Variants in CPNE4 observed in about 807,000 individuals in gnomAD.
CPNE4 encodes copine 4.
A neutral mutation model predicts 67.9 loss-of-function variants in CPNE4; 25 were observed. The ratio of observed to expected loss-of-function variants is 0.37; its 90% CI spans 0.27 to 0.51. The LOEUF is 0.51. Among genes scored for constraint, CPNE4 ranks in the 20% least tolerant of loss-of-function variants. The pLI is 0.93. For missense variants in CPNE4, 464 were observed against 690.8 expected, an observed-to-expected ratio of 0.67 and a Z score of 3.68; for synonymous variants, 242 against 244.9, an observed-to-expected ratio of 0.99 and a Z score of 0.11.
At chr3:131,607,105 C>T (rs547451088) in intron 7 of CPNE4, among the ~76,000 whole-genome samples, 84 of 151,804 alleles carry the variant, frequency 5.5e-4, no homozygotes, top group South Asian at 1.5e-3. Context: ...CAATTCTCCT[C>T]CTCTAAACAA....
chr3:131,932,268 C>A (rs974405972), intron 1 of CPNE4, among the ~76,000 whole-genome samples: 2 of 152,160 alleles, frequency 1.3e-5, no homozygotes, highest in African/African-American at 2.4e-5. Flanking sequence ...AGTATAGAAT[C>A]CTGAAAGGAA....
At chr3:131,599,766 GA>G in intron 7 of CPNE4, among the ~76,000 whole-genome samples, 1 of 152,178 alleles carries the variant, frequency 6.6e-6, no homozygotes, top group East Asian at 1.9e-4. Flanking sequence ...ATGGGTCCAG[GA>G]AAAAAGAACT....
At chr3:131,721,718 C>T (rs1320597947) in intron 3 of CPNE4, among the ~76,000 whole-genome samples, 1 of 152,050 alleles carries the variant, frequency 6.6e-6, no homozygotes, top group East Asian at 1.9e-4. Context: ...TTTCTTGTGA[C>T]AAAATATAAA....
intron 1 of CPNE4, among the ~76,000 whole-genome samples, chr3:131,958,608 T>C (rs536712858): frequency 0.015 from 1,055 of 71,662 alleles, 16 homozygotes; most frequent in African/African-American, 0.039. Flanking sequence ...TTCTTTCTTT[T>C]CTTTTTTTTT....
chr3:131,889,233 T>G (rs2088013431), intron 2 of CPNE4, among the ~76,000 whole-genome samples: 2 of 152,178 alleles, frequency 1.3e-5, no homozygotes, highest in African/African-American at 2.4e-5. Flanking sequence ...AGTTGAGACA[T>G]TTACAAAAGG....
rs1246406144 is a variant in CPNE4, at chr3:131,953,251, A to AT, written c.-1-47808_-1-47807insA. Among the ~76,000 whole-genome samples, 802 of 140,850 alleles carry AT rather than the reference A, an allele frequency of 5.7e-3. 10 individuals carry two copies. Among genetic ancestry groups the AT allele is most frequent in the African/African-American group, 0.019 (758 of 39,670 alleles). 92.4% of individuals were successfully genotyped at this position (140,850 alleles called of 152,430 possible). On this transcript the variant is annotated intron_variant, in intron 1 of 15. Transcript: ENST00000429747. ...AAGAATGATCAATTAAAAAAAAAAA[A>AT]AAAAAAAAAAAAAAAGAATGGTGAA...
At chr3:131,979,748 G>GT (rs901953274) in intron 1 of CPNE4, among the ~76,000 whole-genome samples, 52 of 148,760 alleles carry the variant, frequency 3.5e-4, no homozygotes, top group Admixed American at 1.7e-3. Flanking sequence ...TGTATCTTGA[G>GT]TTTTTTTTTT....
At chr3:131,679,148 T>C (rs1284076170) in intron 6 of CPNE4, among the ~76,000 whole-genome samples, 1 of 152,042 alleles carries the variant, frequency 6.6e-6, no homozygotes, top group Non-Finnish European at 1.5e-5. Flanking sequence ...TTCCTAGTTC[T>C]GTCTTGAGAG....
At chr3:131,677,506 C>T (rs751315553) in intron 6 of CPNE4, among the ~76,000 whole-genome samples, 1 of 152,042 alleles carries the variant, frequency 6.6e-6, no homozygotes, top group Non-Finnish European at 1.5e-5. Flanking sequence ...AATCTTTGCC[C>T]ATGCTTATGT....
intron 7 of CPNE4, among the ~76,000 whole-genome samples, chr3:131,614,196 T>C (rs866680107): frequency 6.6e-6 from 1 of 152,214 alleles, no homozygotes; most frequent in African/African-American, 2.4e-5. Flanking sequence ...GTCTATACTA[T>C]TGTTTTGTGA....
At chr3:131,867,369 A>G (rs1333813658) in intron 2 of CPNE4, among the ~76,000 whole-genome samples, 1 of 152,188 alleles carries the variant, frequency 6.6e-6, no homozygotes, top group African/African-American at 2.4e-5. Context: ...ATGAACAAAA[A>G]GTTAAACAGA....
intron 1 of CPNE4, among the ~76,000 whole-genome samples, chr3:131,972,038 T>C (rs980234778): frequency 6.6e-6 from 1 of 152,124 alleles, no homozygotes; most frequent in East Asian, 1.9e-4. Context: ...AGGACATACA[T>C]TTAAGAGAAG....
chr3:131,588,511 G>T (rs1476334546), intron 7 of CPNE4, among the ~76,000 whole-genome samples: 1 of 152,172 alleles, frequency 6.6e-6, no homozygotes, highest in Non-Finnish European at 1.5e-5. Flanking sequence ...TTGGAATATT[G>T]GGGATCTAAG....
intron 11 of CPNE4, among the ~76,000 whole-genome samples, chr3:131,560,242 A>G (rs765090713): frequency 6.6e-6 from 1 of 152,046 alleles, no homozygotes; most frequent in Non-Finnish European, 1.5e-5. Context: ...TCAATTTACA[A>G]TGAAGAAAAC....
chr3:131,659,864 C>T (rs1425237113), intron 7 of CPNE4, among the ~76,000 whole-genome samples: 1 of 152,254 alleles, frequency 6.6e-6, no homozygotes, highest in East Asian at 1.9e-4. Context: ...CAGCTTTAGG[C>T]AGGCATTAAA....
chr3:131,752,597 T>C (rs920298901), intron 2 of CPNE4, among the ~76,000 whole-genome samples: 2 of 152,194 alleles, frequency 1.3e-5, no homozygotes, highest in African/African-American at 4.8e-5. Flanking sequence ...TTATGTTTGT[T>C]TTACATTTAA....
At chr3:131,675,439 G>C (rs1182134898) in intron 6 of CPNE4, among the ~76,000 whole-genome samples, 1 of 151,946 alleles carries the variant, frequency 6.6e-6, no homozygotes, top group Non-Finnish European at 1.5e-5. Flanking sequence ...TTGTATTGAG[G>C]TCTATCTCTC....
intron 1 of CPNE4, among the ~76,000 whole-genome samples, chr3:132,002,784 T>C (rs1386116373): frequency 6.6e-6 from 1 of 152,136 alleles, no homozygotes; most frequent in Non-Finnish European, 1.5e-5. Context: ...TTTAAACAAG[T>C]ATCCTTTGTA....
chr3:131,724,805 G>A (rs980174673), intron 2 of CPNE4, among the ~76,000 whole-genome samples: 3 of 152,136 alleles, frequency 2.0e-5, no homozygotes, highest in African/African-American at 7.2e-5. Context: ...CGTGTACAGA[G>A]TTTAGTCCTT....
Sources: gnomAD v4.1 joint callset for allele counts (sites outside exome capture counted in the v4.1 genomes callset) on GRCh38, gnomAD v4.1.1 for gene constraint, MANE v1.5 for transcripts, NCBI Gene and HGNC (gene_info 2026-07-23, HGNC 2026-07-21) for gene names.